Variants in RYR2 observed in about 807,000 individuals in gnomAD.
The protein encoded by RYR2 is cardiac muscle ryanodine receptor-calcium release channel.
A neutral mutation model predicts 601.1 loss-of-function variants in RYR2; 227 were observed. The ratio of observed to expected loss-of-function variants is 0.38; its 90% CI spans 0.34 to 0.42. The LOEUF (loss-of-function observed/expected upper bound fraction) is 0.42, where lower values mean the gene tolerates loss of function less well. RYR2 is among the 10% of genes least tolerant of loss of function. The pLI, the probability that RYR2 is intolerant of heterozygous loss-of-function variation, is 1.00. For synonymous variants in RYR2, 2,223 were observed against 2,175.1 expected, an observed-to-expected ratio of 1.02 and a Z score of -0.61; for missense variants, 4,646 against 6,156.5, an observed-to-expected ratio of 0.75 and a Z score of 8.21.
Position 237,649,830 on chromosome 1 carries a change from T to A in RYR2, c.7513-47T>A, listed in dbSNP as rs776827759. On this transcript the variant is annotated intron_variant, in intron 49 of 104. Coordinates refer to ENST00000366574, the MANE Select transcript of RYR2 (RefSeq NM_001035.3). ...CCCATGTTAATCCCTTTGAAGATTA[T>A]CTACTGCCAAACACAAATGGCCTTC... 21 of 1,546,684 alleles carry A rather than the reference T, an allele frequency of 1.4e-5. No homozygotes were observed. The South Asian group carries it at 2.4e-4, about 18-fold the overall frequency.
chr1:237,665,441 A>G (rs1558174017), intron 56 of RYR2, among the ~76,000 whole-genome samples: 1 of 151,962 alleles, frequency 6.6e-6, no homozygotes, highest in African/African-American at 2.4e-5. Flanking sequence ...GACAAATTAA[A>G]TTTAACAGAG....
At chr1:237,792,828 A>G (rs1005266424) in intron 94 of RYR2, among the ~76,000 whole-genome samples, 8 of 152,226 alleles carry the variant, frequency 5.3e-5, no homozygotes, top group Non-Finnish European at 1.5e-5. Context: ...TTGGTGTATT[A>G]AGACTTATAG....
intron 79 of RYR2, among the ~76,000 whole-genome samples, chr1:237,739,111 A>C (rs550656503): frequency 1.1e-4 from 17 of 152,328 alleles, no homozygotes; most frequent in Middle Eastern, 3.4e-3. Context: ...AGAGCTGATG[A>C]GTGGTTCTGC....
At chr1:237,541,814 A>C (rs2148033387) in intron 25 of RYR2, among the ~76,000 whole-genome samples, 1 of 152,232 alleles carries the variant, frequency 6.6e-6, no homozygotes, top group Non-Finnish European at 1.5e-5. Context: ...TTGAGCCAGG[A>C]TGAGCCAGGA....
chr1:237,191,263 C>T (rs775129607), intron 1 of RYR2, among the ~76,000 whole-genome samples: 50 of 152,080 alleles, frequency 3.3e-4, no homozygotes, highest in Non-Finnish European at 7.3e-5. Context: ...TCTGTTCCAT[C>T]GGCCTATATA....
In RYR2 at chr1:237,620,490, T is replaced by C. The variant is rs138587912; in HGVS notation, c.5916+3004T>C. Among the ~76,000 whole-genome samples the C allele has an allele frequency of 1.8e-3, 279 of 152,214 alleles. 4 individuals are homozygous for C. The highest frequency in any genetic ancestry group is 0.015 in the East Asian group (80 of 5,176). On this transcript the variant is annotated intron_variant, in intron 38 of 104. Coordinates refer to ENST00000366574, the MANE Select transcript of RYR2 (RefSeq NM_001035.3). ...TCATAGCATATCAATAATCTAAATATACCAATTACAAGAAATTGGCAGAGT... is the reference window on the plus strand; with the variant it reads ...TCATAGCATATCAATAATCTAAATACACCAATTACAAGAAATTGGCAGAGT...
intron 100 of RYR2, among the ~76,000 whole-genome samples, chr1:237,812,236 C>G (rs1468087620): frequency 6.6e-6 from 1 of 152,144 alleles, no homozygotes; most frequent in Non-Finnish European, 1.5e-5. Context: ...CACTACCTCA[C>G]AGATAGTAAC....
Position 237,258,367 on chromosome 1 carries a change from T to G in RYR2, c.49-12130T>G, listed in dbSNP as rs1039200390. 4.0e-5 allele frequency among the ~76,000 whole-genome samples: 6 copies of G among 151,562 alleles called. No individual in the cohort carries two copies. The East Asian group carries it at 5.9e-4, about 15-fold the overall frequency. On this transcript the variant is annotated intron_variant, in intron 1 of 104. Transcript: ENST00000366574. ...AAGCTGACTTCCTCTATGGCCAGAG[T>G]GATGTCAGGGCAGGTAACAGGACTA...
chr1:237,744,075 A>G (rs533456326), intron 80 of RYR2, among the ~76,000 whole-genome samples: 7 of 152,302 alleles, frequency 4.6e-5, no homozygotes, highest in Admixed American at 3.3e-4. Flanking sequence ...AATCACTTCA[A>G]TTAGTAACTG....
rs1668037299 is a variant in RYR2, at chr1:237,530,493, A to T, written c.2889A>T (p.Lys963Asn). The change falls in exon 25 of 105, where the codon AAA (lysine) becomes AAT (asparagine). Residue 963 changes from lysine to asparagine, a missense_variant. Lys to Asn is a moderately conservative substitution (Grantham distance 94, BLOSUM62 0). Transcript: ENST00000366574. The stretch of plus-strand genomic sequence containing the variant: ...AACATGCTGAAGACAAGGTGAAAAA[A>T]ATGAAGCTACCCAAGAAGTAAGTTG... ...SDEHAEDKVK[K>N]MKLPKNYQLT... 1 of 1,604,438 alleles carries T rather than the reference A, an allele frequency of 6.2e-7. No individual in the cohort carries two copies. Among genetic ancestry groups the T allele is most frequent in the Non-Finnish European group, 8.5e-7 (1 of 1,175,114 alleles).
At chr1:237,606,137 T>G (rs1317240575) in intron 35 of RYR2, among the ~76,000 whole-genome samples, 3 of 151,728 alleles carry the variant, frequency 2.0e-5, no homozygotes, top group African/African-American at 7.3e-5. Context: ...AGAACAAAGC[T>G]GGAGGCATCA....
chr1:237,244,843 G>C (rs1056754964), intron 1 of RYR2, among the ~76,000 whole-genome samples: 1 of 152,118 alleles, frequency 6.6e-6, no homozygotes, highest in Non-Finnish European at 1.5e-5. Context: ...GTCCAGTGGA[G>C]GCTCCCATTG....
chr1:237,064,349 G>A (rs1663262782), intron 1 of RYR2, among the ~76,000 whole-genome samples: 1 of 151,980 alleles, frequency 6.6e-6, no homozygotes, highest in East Asian at 1.9e-4. Context: ...TCTTTTTCCA[G>A]ATTCAAATTC....
intron 38 of RYR2, among the ~76,000 whole-genome samples, 189 bp downstream of exon 38, chr1:237,617,675 C>G (rs546522391): frequency 2.0e-5 from 3 of 152,246 alleles, no homozygotes; most frequent in African/African-American, 7.2e-5. Context: ...AAAAGAGGGA[C>G]TTATTAGAAG....
At position 237,287,313 on chromosome 1, in the gene RYR2, T is replaced by A. The variant is rs543933381; in HGVS notation, c.168+16697T>A. ...AGGTGAAGATCTTTTTGAGATGAAT[T>A]TCCCAGGTGATCTTTATGCTTCTGT... On this transcript the variant is annotated intron_variant, in intron 2 of 104. Coordinates refer to ENST00000366574, the MANE Select transcript of RYR2 (RefSeq NM_001035.3). Among the ~76,000 whole-genome samples, 4 of 152,294 alleles carry A rather than the reference T, an allele frequency of 2.6e-5. No individual in the cohort carries two copies. The East Asian group carries it at 7.7e-4, about 29-fold the overall frequency.
chr1:237,634,708 A>G (rs549373646), intron 43 of RYR2, among the ~76,000 whole-genome samples, 181 bp from the exon 44 acceptor site: 1 of 151,252 alleles, frequency 6.6e-6, no homozygotes, highest in African/African-American at 2.4e-5. Context: ...TGTACACAAT[A>G]TATACAATTT....
At chr1:237,243,138 C>T (rs879268457) in intron 1 of RYR2, among the ~76,000 whole-genome samples, 11 of 150,722 alleles carry the variant, frequency 7.3e-5, no homozygotes, top group Middle Eastern at 3.4e-3. Flanking sequence ...CTTCTGTGAC[C>T]GGGGTCAGGG....
chr1:237,584,462 A>G (rs986540958), intron 29 of RYR2, among the ~76,000 whole-genome samples: 4 of 152,128 alleles, frequency 2.6e-5, no homozygotes, highest in African/African-American at 7.2e-5. Flanking sequence ...TGTGCTCCAG[A>G]AAGTCAGGGG....
chr1:237,295,707 G>A (rs1692695533), intron 2 of RYR2, among the ~76,000 whole-genome samples: 2 of 152,182 alleles, frequency 1.3e-5, no homozygotes, highest in South Asian at 4.1e-4. Flanking sequence ...AGATGTAATT[G>A]GGATCTTTTA....
Sources: gnomAD v4.1 joint callset for allele counts (sites outside exome capture counted in the v4.1 genomes callset) on GRCh38, gnomAD v4.1.1 for gene constraint, MANE v1.5 for transcripts, NCBI Gene and HGNC (gene_info 2026-07-23, HGNC 2026-07-21) for gene names.